Variants in RPS6KC1 observed in about 807,000 individuals in gnomAD.
The protein encoded by RPS6KC1 is ribosomal protein S6 kinase C1, also known as inactive ribosomal protein S6 kinase delta-1.
Under a neutral mutation model 103.8 loss-of-function variants are expected in RPS6KC1, and 54 were observed. That is an observed-to-expected ratio of 0.52 (90% CI 0.42 to 0.65). The LOEUF (loss-of-function observed/expected upper bound fraction) is 0.65, where lower values mean the gene tolerates loss of function less well. Ranked by LOEUF, RPS6KC1 falls within the 30% of genes least tolerant of loss-of-function variation. The pLI is 0.00. For synonymous variants in RPS6KC1, 439 were observed against 438.7 expected, an observed-to-expected ratio of 1.00 and a Z score of -0.01; for missense variants, 1,151 against 1,253.8, an observed-to-expected ratio of 0.92 and a Z score of 1.24.
chr1:213,342,494 T>C, the RPS6KC1 span, among the ~76,000 whole-genome samples: 800 of 152,312 alleles, frequency 5.3e-3, 9 homozygotes, highest in African/African-American at 0.018. Context: ...AGGAAAGGGC[T>C]CTTAGTATAT....
At chr1:213,862,136 A>T in the RPS6KC1 span, among the ~76,000 whole-genome samples, 1 of 152,308 alleles carries the variant, frequency 6.6e-6, no homozygotes, top group East Asian at 1.9e-4. Flanking sequence ...TTCAATAAGC[A>T]CGTATAGACC....
chr1:213,411,760 G>A, the RPS6KC1 span, among the ~76,000 whole-genome samples: 1 of 152,156 alleles, frequency 6.6e-6, no homozygotes, highest in African/African-American at 2.4e-5. Flanking sequence ...ATTAAAAATG[G>A]GTGCATTTCT....
chr1:213,776,226 T>C, the RPS6KC1 span, among the ~76,000 whole-genome samples: 3 of 152,296 alleles, frequency 2.0e-5, no homozygotes, highest in Non-Finnish European at 4.4e-5. Flanking sequence ...AAAATGGTGG[T>C]TCCTTTCCAG....
the RPS6KC1 span, among the ~76,000 whole-genome samples, chr1:213,572,664 T>G: frequency 5.3e-5 from 8 of 152,254 alleles, no homozygotes; most frequent in Admixed American, 5.2e-4. Flanking sequence ...AGTTTAGATA[T>G]AATTAAACCA....
the RPS6KC1 span, among the ~76,000 whole-genome samples, chr1:213,518,562 T>C: frequency 6.6e-6 from 1 of 152,206 alleles, no homozygotes; most frequent in South Asian, 2.1e-4. Context: ...GACTTTAAGA[T>C]AATTAATTTG....
At chr1:213,745,380 G>A in the RPS6KC1 span, among the ~76,000 whole-genome samples, 47 of 148,064 alleles carry the variant, frequency 3.2e-4, no homozygotes, top group South Asian at 2.8e-3. Flanking sequence ...GAATCAAAAC[G>A]CCTCTCTGGT....
the RPS6KC1 span, among the ~76,000 whole-genome samples, chr1:213,799,807 T>G: frequency 6.6e-6 from 1 of 152,230 alleles, no homozygotes; most frequent in African/African-American, 2.4e-5. Context: ...GAAGGATGCC[T>G]TGTCTAGTAG....
At chr1:213,433,574 A>G in the RPS6KC1 span, among the ~76,000 whole-genome samples, 1 of 152,212 alleles carries the variant, frequency 6.6e-6, no homozygotes, top group Non-Finnish European at 1.5e-5. Context: ...AAGTGGCTGT[A>G]ACATTTTACG....
intron 1 of RPS6KC1, among the ~76,000 whole-genome samples, chr1:213,070,702 G>T (rs911334415): frequency 6.6e-6 from 1 of 152,210 alleles, no homozygotes; most frequent in African/African-American, 2.4e-5. Flanking sequence ...TGGCGCCAGA[G>T]TAGGTTACAG....
chr1:213,206,786 C>T (rs949803062), intron 8 of RPS6KC1, among the ~76,000 whole-genome samples: 13 of 152,050 alleles, frequency 8.5e-5, no homozygotes, highest in Admixed American at 5.2e-4. Flanking sequence ...TTTGGATCTT[C>T]CTTGTACAAA....
At chr1:213,251,158 G>A (rs2094539547) in intron 12 of RPS6KC1, among the ~76,000 whole-genome samples, 1 of 144,784 alleles carries the variant, frequency 6.9e-6, no homozygotes, top group Admixed American at 7.2e-5. Context: ...CCAGGCTGGA[G>A]TGCAGTGGTG....
At chr1:213,683,799 A>G in the RPS6KC1 span, among the ~76,000 whole-genome samples, 1 of 152,116 alleles carries the variant, frequency 6.6e-6, no homozygotes, top group South Asian at 2.1e-4. Flanking sequence ...GGCAGGGGAA[A>G]GAGCCTCCCT....
At chr1:213,126,845 A>G (rs995885021) in intron 5 of RPS6KC1, among the ~76,000 whole-genome samples, 1 of 152,188 alleles carries the variant, frequency 6.6e-6, no homozygotes, top group African/African-American at 2.4e-5. Flanking sequence ...GAGTGGTGAC[A>G]GAGACCACAT....
the RPS6KC1 span, among the ~76,000 whole-genome samples, chr1:213,771,493 C>T: frequency 6.6e-6 from 1 of 152,174 alleles, no homozygotes; most frequent in Non-Finnish European, 1.5e-5. Context: ...ACTAGTAATT[C>T]AGGTGGCTCC....
chr1:213,402,798 T>C, the RPS6KC1 span, among the ~76,000 whole-genome samples: 1 of 152,062 alleles, frequency 6.6e-6, no homozygotes, highest in Non-Finnish European at 1.5e-5. Flanking sequence ...TGGAAAATAA[T>C]AGAATGCACT....
At chr1:213,276,670 T>C (rs1432118378), downstream of RPS6KC1, among the ~76,000 whole-genome samples, 1 of 152,240 alleles carries the variant, frequency 6.6e-6, no homozygotes, top group Non-Finnish European at 1.5e-5. Flanking sequence ...TCTTATTGTT[T>C]TTCTAGTAAT....
chr1:213,240,645 T>C, intron 10 of RPS6KC1, 57 bp from the exon 11 acceptor site: 1 of 1,429,676 alleles, frequency 7.0e-7, no homozygotes, highest in Non-Finnish European at 9.5e-7. Flanking sequence ...ATGGCTTAAA[T>C]AACTGTCAAT....
chr1:213,423,002 T>A, the RPS6KC1 span, among the ~76,000 whole-genome samples: 7 of 152,008 alleles, frequency 4.6e-5, no homozygotes, highest in African/African-American at 1.7e-4. Context: ...AAACCTGGAG[T>A]TTCACTAGCA....
At chr1:213,662,252 A>C in the RPS6KC1 span, among the ~76,000 whole-genome samples, 1 of 151,972 alleles carries the variant, frequency 6.6e-6, no homozygotes, top group African/African-American at 2.4e-5. Flanking sequence ...CAATATCGGA[A>C]ATACCAGAGT....
Sources: gnomAD v4.1 joint callset for allele counts (sites outside exome capture counted in the v4.1 genomes callset) on GRCh38, gnomAD v4.1.1 for gene constraint, MANE v1.5 for transcripts, NCBI Gene and HGNC (gene_info 2026-07-23, HGNC 2026-07-21) for gene names.